Variants in COL5A2 observed in about 807,000 individuals in gnomAD.
COL5A2 encodes the protein collagen alpha-2(V) chain.
In COL5A2, 23 loss-of-function variants were observed where a neutral mutation model predicts 208.2. The ratio of observed to expected loss-of-function variants is 0.11; its 90% CI spans 0.08 to 0.16. The LOEUF is 0.16. Among genes scored for constraint, COL5A2 ranks in the 10% least tolerant of loss-of-function variants. COL5A2 has a pLI of 1.00. For missense variants in COL5A2, 1,590 were observed against 1,956.4 expected (o/e 0.81, Z 3.53); for synonymous variants, 625 against 628.5 (o/e 0.99, Z 0.08).
the COL5A2 span, among the ~76,000 whole-genome samples, chr2:189,435,223 C>T: frequency 6.6e-5 from 10 of 152,148 alleles, no homozygotes; most frequent in East Asian, 1.9e-3. Flanking sequence ...CATAAAAACC[C>T]TAGAAGAAAA....
chr2:189,235,003 A>G, the COL5A2 span, among the ~76,000 whole-genome samples: 1 of 151,776 alleles, frequency 6.6e-6, no homozygotes, highest in Admixed American at 6.6e-5. Flanking sequence ...GTAAAACATT[A>G]TTGAGATATT....
chr2:189,381,282 ACAT>A, the COL5A2 span, among the ~76,000 whole-genome samples: 170 of 152,154 alleles, frequency 1.1e-3, no homozygotes, highest in African/African-American at 3.7e-3. Context: ...TGATGAAGAA[ACAT>A]CTATCAGAAG....
the COL5A2 span, among the ~76,000 whole-genome samples, chr2:189,352,238 TG>T: frequency 6.6e-6 from 1 of 152,188 alleles, no homozygotes; most frequent in Non-Finnish European, 1.5e-5. Flanking sequence ...TCTTTGCTAT[TG>T]TCAACAGTGC....
chr2:189,145,455 CT>C (rs1460399222), intron 1 of COL5A2, among the ~76,000 whole-genome samples: 1 of 152,138 alleles, frequency 6.6e-6, no homozygotes, highest in African/African-American at 2.4e-5. Context: ...AAAATATTCA[CT>C]TGCATAACCC....
intron 1 of COL5A2, among the ~76,000 whole-genome samples, chr2:189,158,574 C>T (rs1688299719): frequency 6.6e-6 from 1 of 151,984 alleles, no homozygotes; most frequent in Non-Finnish European, 1.5e-5. Flanking sequence ...TACTTTGGTT[C>T]TTAACTGTAA....
chr2:189,427,648 A>C, the COL5A2 span, among the ~76,000 whole-genome samples: 1 of 152,240 alleles, frequency 6.6e-6, no homozygotes, highest in African/African-American at 2.4e-5. Flanking sequence ...GCAAAGCCAC[A>C]GGGACAGAGC....
the COL5A2 span, among the ~76,000 whole-genome samples, chr2:189,295,104 C>T: frequency 6.6e-6 from 1 of 152,156 alleles, no homozygotes; most frequent in East Asian, 1.9e-4. Flanking sequence ...CCACCACACC[C>T]AGCTACACAC....
Position 189,187,639 on chromosome 2 carries a change from G to A in COL5A2, c.-42+37509C>T, listed in dbSNP as rs903563759. ...TAAATAAAAATAAGAAACTGTTAGC[G>A]TTTCTTCTAAAAAACATATAATGTG... On this transcript the variant is annotated intron_variant, in intron 1 of 10. Coordinates refer to the COL5A2 transcript ENST00000649966. 3.3e-5 allele frequency among the ~76,000 whole-genome samples: 5 copies of A among 152,082 alleles called. No individual in the cohort carries two copies. In the East Asian group the frequency reaches 5.8e-4, roughly 18 times the overall value.
chr2:189,075,191 T>C (rs760307811), intron 17 of COL5A2, among the ~76,000 whole-genome samples: 2 of 152,196 alleles, frequency 1.3e-5, no homozygotes, highest in Non-Finnish European at 2.9e-5. Context: ...TACTGTATTA[T>C]GGAGTTAACA....
the COL5A2 span, among the ~76,000 whole-genome samples, chr2:189,321,666 C>T: frequency 2.0e-5 from 3 of 152,180 alleles, no homozygotes; most frequent in Admixed American, 2.0e-4. Flanking sequence ...CTTCATAAAG[C>T]AAGTCCTTAG....
upstream of COL5A2, among the ~76,000 whole-genome samples, chr2:189,228,056 T>G (rs1689440500): frequency 6.6e-6 from 1 of 151,906 alleles, no homozygotes; most frequent in South Asian, 2.1e-4. Context: ...AACACATTCT[T>G]GAACAACCAA....
chr2:189,387,561 TTC>T, the COL5A2 span, among the ~76,000 whole-genome samples: 1 of 152,194 alleles, frequency 6.6e-6, no homozygotes, highest in Non-Finnish European at 1.5e-5. Flanking sequence ...CATTATTGTA[TTC>T]TGTTTGCTAA....
At chr2:189,117,227 A>G (rs1687409497) in intron 1 of COL5A2, among the ~76,000 whole-genome samples, 1 of 152,204 alleles carries the variant, frequency 6.6e-6, no homozygotes, top group African/African-American at 2.4e-5. Context: ...TGTCTGGAAG[A>G]GCAGATTTCA....
chr2:189,429,961 T>C, the COL5A2 span, among the ~76,000 whole-genome samples: 4 of 152,212 alleles, frequency 2.6e-5, no homozygotes, highest in Non-Finnish European at 5.9e-5. Context: ...CACATTCTTA[T>C]GGTATAAAAG....
Position 189,068,247 on chromosome 2 carries a change from A to G in COL5A2, c.1281T>C (p.Thr427=). Residue 427 remains threonine, a synonymous_variant, in exon 20 of 54, where the codon ACT becomes ACC. Coordinates refer to ENST00000374866, the MANE Select transcript of COL5A2 (RefSeq NM_000393.5). ...GLPGAIGTDG[T]PGAKGPTGSP... ...TCACCGTTGGGCCTTTGGCACCAGG[A>G]GTACCATCAGTTCCTATTGCACCCT... 6.2e-7 allele frequency: 1 copy of G among 1,613,794 alleles called. No individual in the cohort carries two copies. Among genetic ancestry groups the G allele is most frequent in the Non-Finnish European group, 8.5e-7 (1 of 1,179,706 alleles).
chr2:189,421,457 A>G, the COL5A2 span, among the ~76,000 whole-genome samples: 1 of 152,196 alleles, frequency 6.6e-6, no homozygotes, highest in Non-Finnish European at 1.5e-5. Flanking sequence ...AGAGTAGGAA[A>G]GATAGTTTTA....
At chr2:189,199,869 A>G (rs746310135) in intron 1 of COL5A2, among the ~76,000 whole-genome samples, 2 of 152,188 alleles carry the variant, frequency 1.3e-5, no homozygotes, top group Non-Finnish European at 1.5e-5. Flanking sequence ...GTACATCACT[A>G]TATCCTACAA....
intron 31 of COL5A2, 32 bp downstream of exon 31, chr2:189,060,698 A>T: frequency 6.4e-7 from 1 of 1,566,860 alleles, no homozygotes; most frequent in Non-Finnish European, 8.8e-7. Flanking sequence ...AGCAATGTAT[A>T]GTGTTGCCAT....
At chr2:189,085,458 G>A (rs1424754918) in intron 10 of COL5A2, among the ~76,000 whole-genome samples, 1 of 152,040 alleles carries the variant, frequency 6.6e-6, no homozygotes, top group African/African-American at 2.4e-5. Context: ...ACTGTCTAAT[G>A]ATCATAATCT....
Sources: allele counts gnomAD v4.1 joint callset (sites outside exome capture counted in the v4.1 genomes callset), GRCh38; gene constraint gnomAD v4.1.1; transcripts MANE v1.5; gene names NCBI Gene and HGNC (gene_info 2026-07-23, HGNC 2026-07-21).